Variants in TRIM31 observed in about 807,000 individuals in gnomAD.
TRIM31 encodes E3 ubiquitin-protein ligase TRIM31.
A neutral mutation model predicts 40.6 loss-of-function variants in TRIM31; 31 were observed. That is an observed-to-expected ratio of 0.76 (90% CI 0.57 to 1.03). The LOEUF (loss-of-function observed/expected upper bound fraction) is 1.03, where lower values mean the gene tolerates loss of function less well. Among genes scored for constraint, TRIM31 ranks in the 50% least tolerant of loss-of-function variants. TRIM31 has a pLI of 0.00. For missense variants in TRIM31, 455 were observed against 497.5 expected, an observed-to-expected ratio of 0.91 and a Z score of 0.81; for synonymous variants, 164 against 193.9, an observed-to-expected ratio of 0.85 and a Z score of 1.28.
intron 6 of TRIM31, 184 bp downstream of exon 6, chr6:30,107,869 C>T (rs2523991): frequency 0.026 from 15,097 of 585,374 alleles, 299 homozygotes; most frequent in Admixed American, 0.041. Context: ...ATCACAAAGA[C>T]AGAATATAAG....
rs370511531 is a variant in TRIM31, at chr6:30,109,021, C to G, written c.767+5G>C. 2.7e-5 allele frequency: 43 copies of G among 1,612,862 alleles called. No homozygotes were observed. Among genetic ancestry groups the G allele is most frequent in the South Asian group, 4.4e-5 (4 of 91,084 alleles). On this transcript the variant is annotated splice_donor_5th_base_variant and intron_variant, in intron 5 of 8. Coordinates refer to ENST00000376734, the MANE Select transcript of TRIM31 (RefSeq NM_007028.5). ...GCAAAATACATTTGGGGTGGCCCAT[C>G]ATACCTGCACAAGACGACTTTGATA...
chr6:30,112,033 A>G (rs1305299169), intron 2 of TRIM31: 1 of 556,764 alleles, frequency 1.8e-6, no homozygotes, highest in Non-Finnish European at 3.1e-6. Flanking sequence ...TCCTACCAAC[A>G]ACTTTAAGAG....
At chr6:30,109,869 A>C (rs1769114017) in intron 4 of TRIM31, among the ~76,000 whole-genome samples, 1 of 152,196 alleles carries the variant, frequency 6.6e-6, no homozygotes, top group Non-Finnish European at 1.5e-5. Flanking sequence ...CTCAAAAAAT[A>C]AAATAAAATA....
At chr6:30,106,051 T>C (rs1768652415) in intron 6 of TRIM31, among the ~76,000 whole-genome samples, 1 of 152,176 alleles carries the variant, frequency 6.6e-6, no homozygotes, top group African/African-American at 2.4e-5. Flanking sequence ...CTTTTGCAGG[T>C]AGAGGATGAG....
intron 6 of TRIM31, 146 bp from the exon 7 acceptor site, chr6:30,105,388 G>T (rs955194751): frequency 4.7e-6 from 3 of 637,168 alleles, no homozygotes; most frequent in Non-Finnish European, 2.7e-6. Context: ...GACCAGGAAG[G>T]TATGCAACCC....
At position 30,112,880 on chromosome 6, in the gene TRIM31, A is replaced by C; in HGVS notation, c.-75T>G. Reference sequence around the variant, plus strand: ...GTAGGAGCCCCGGAGTCCACTGTGGATACTGTTTCTAGGAAGGGAGAAGGG... The same window carrying C: ...GTAGGAGCCCCGGAGTCCACTGTGGCTACTGTTTCTAGGAAGGGAGAAGGG... On this transcript the variant is annotated 5_prime_UTR_variant, in exon 2 of 9. Transcript: ENST00000376734. 6.9e-7 allele frequency: 1 copy of C among 1,445,732 alleles called. No individual in the cohort carries two copies. Among genetic ancestry groups the C allele is most frequent in the Non-Finnish European group, 9.2e-7 (1 of 1,083,672 alleles). 89.6% of individuals were successfully genotyped at this position (1,445,732 alleles called of 1,614,324 possible). A position where few individuals can be genotyped will look rare whatever the true frequency, so the allele number is the denominator to read the frequency against.
chr6:30,103,123 T>G lies in TRIM31; in HGVS notation c.*413A>C. ...GCGAGAGTGGTCGGGCTCATGGGGT[T>G]TGATGGACTGTGACCCAGGCTGGCG... On this transcript the variant is annotated 3_prime_UTR_variant, in exon 9 of 9. Coordinates refer to ENST00000376734, the MANE Select transcript of TRIM31 (RefSeq NM_007028.5). 1 of 230,834 alleles carries G rather than the reference T, an allele frequency of 4.3e-6. No individual in the cohort carries two copies. The highest frequency in any genetic ancestry group is 8.6e-6 in the Non-Finnish European group (1 of 115,938). 14.3% of individuals were successfully genotyped at this position (230,834 alleles called of 1,614,324 possible).
intron 6 of TRIM31, 101 bp from the exon 7 acceptor site, chr6:30,105,343 A>G: frequency 1.2e-6 from 1 of 868,154 alleles, no homozygotes; most frequent in South Asian, 1.6e-5. Context: ...GCCTGGGAGA[A>G]GTAGAAGCTG....
intron 5 of TRIM31, chr6:30,108,646 G>C: frequency 2.7e-6 from 1 of 365,606 alleles, no homozygotes; most frequent in Non-Finnish European, 5.0e-6. Flanking sequence ...AGGGATATGG[G>C]GCGGGAGTGA....
intron 3 of TRIM31, 126 bp from the exon 4 acceptor site, chr6:30,110,804 A>T: frequency 1.1e-6 from 1 of 878,420 alleles, no homozygotes; most frequent in Non-Finnish European, 1.7e-6. Context: ...GCCAGGGCAG[A>T]CCTGGAAGAA....
In TRIM31 at chr6:30,105,167, C is replaced by T. The variant is rs1038814355; in HGVS notation, c.958+1G>A. Reference sequence around the variant, plus strand: ...GCAACCAACCATCATTTCTCACTTACAGCTCTTCATGTCATTTTTATTCAT... The same window carrying T: ...GCAACCAACCATCATTTCTCACTTATAGCTCTTCATGTCATTTTTATTCAT... On this transcript the variant is annotated splice_donor_variant, in intron 7 of 8. Transcript: ENST00000376734. LOFTEE classifies it high-confidence loss of function. 2 of 1,611,968 alleles carry T rather than the reference C, an allele frequency of 1.2e-6. No homozygotes were observed. Among genetic ancestry groups the T allele is most frequent in the Non-Finnish European group, 8.5e-7 (1 of 1,179,486 alleles).
rs557754136 is a variant in TRIM31 at position 30,103,897 on chromosome 6, G to A, written c.1025-108C>T. On this transcript the variant is annotated intron_variant, in intron 8 of 8. Transcript: ENST00000376734. ...CTCTACATACAGCAGGAGGGATGGA[G>A]GTGAAACTCAAGAAAGTACACCTGA... The A allele has an allele frequency of 4.8e-5, 73 of 1,532,812 alleles. No individual in the cohort carries two copies. In the African/African-American group the frequency reaches 6.2e-4, roughly 13 times the overall value. The allele number at this position is 1,532,812 out of a possible 1,614,324, so 95.0% of individuals were successfully genotyped here. A position where few individuals can be genotyped will look rare whatever the true frequency, so the allele number is the denominator to read the frequency against.
intron 4 of TRIM31, 25 bp downstream of exon 4, chr6:30,110,423 G>A: frequency 6.2e-7 from 1 of 1,609,878 alleles, no homozygotes; most frequent in Non-Finnish European, 8.5e-7. Context: ...CTACCTCTCT[G>A]CAATTCTGCC....
intron 5 of TRIM31, 90 bp from the exon 6 acceptor site, chr6:30,108,258 G>T: frequency 2.2e-6 from 2 of 905,208 alleles, no homozygotes. Context: ...GAAATGAGGG[G>T]ATGAAGACCT....
chr6:30,103,957 T>C, intron 8 of TRIM31, 145 bp downstream of exon 8: 2 of 1,360,850 alleles, frequency 1.5e-6, no homozygotes, highest in South Asian at 2.6e-5. Flanking sequence ...CTGGCAGAGG[T>C]GTAATTTGGG....
In TRIM31 at chr6:30,112,820, G is replaced by C; in HGVS notation, c.-15C>G. On this transcript the variant is annotated 5_prime_UTR_variant, in exon 2 of 9. Transcript: ENST00000376734. The stretch of plus-strand genomic sequence containing the variant: ...CCACTGGCCATGACAGAACAACAGG[G>C]CTGTTTCAAGACTGTAGGAAGCTGT... The C allele has an allele frequency of 6.3e-7, 1 of 1,587,348 alleles. No individual in the cohort carries two copies.
intron 8 of TRIM31, 121 bp from the exon 9 acceptor site, chr6:30,103,910 A>C (rs1768441913): frequency 6.7e-7 from 1 of 1,492,466 alleles, no homozygotes. Context: ...GAAACTCAAG[A>C]AAGTACACCT....
chr6:30,107,160 G>T (rs1375272960), intron 6 of TRIM31, among the ~76,000 whole-genome samples: 28 of 152,202 alleles, frequency 1.8e-4, no homozygotes, highest in Non-Finnish European at 1.3e-4. Context: ...ATCATGCCCA[G>T]TGGGGTGGGA....
rs772682330 is a variant in TRIM31, at chr6:30,112,488, G to C, written c.318C>G (p.Cys106Trp). Reference sequence around the variant, plus strand: ...AACAGAGGAACTTCCCATCATCCTCGCAGAAATAGTGGAACATCTCCTGGT... The same window carrying C: ...AACAGAGGAACTTCCCATCATCCTCCCAGAAATAGTGGAACATCTCCTGGT... ...PRHQEMFHYF[C>W]EDDGKFLCFV... The change falls in exon 2 of 9, where the codon TGC (cysteine) becomes TGG (tryptophan). Residue 106 changes from cysteine (C) to tryptophan (W), a missense_variant. Coordinates refer to ENST00000376734, the MANE Select transcript of TRIM31 (RefSeq NM_007028.5). 21 of 1,613,108 alleles carry C rather than the reference G, an allele frequency of 1.3e-5. No individual in the cohort carries two copies. Among genetic ancestry groups the C allele is most frequent in the Non-Finnish European group, 1.7e-5 (20 of 1,180,048 alleles).
Sources: gnomAD v4.1 joint callset for allele counts (sites outside exome capture counted in the v4.1 genomes callset) on GRCh38, gnomAD v4.1.1 for gene constraint, MANE v1.5 for transcripts, NCBI Gene and HGNC (gene_info 2026-07-23, HGNC 2026-07-21) for gene names.